ADGRL3: variants seen among roughly 807,000 people sequenced by gnomAD.
ADGRL3 encodes the protein calcium-independent alpha-latrotoxin receptor 3.
Under a neutral mutation model 153.5 loss-of-function variants are expected in ADGRL3, and 62 were observed. The observed-to-expected ratio is 0.40, with a 90% CI of 0.33 to 0.50. ADGRL3 has a LOEUF of 0.50. Among genes scored for constraint, ADGRL3 ranks in the 20% least tolerant of loss-of-function variants. ADGRL3 has a pLI of 0.47. For missense variants in ADGRL3, 1,641 were observed against 1,859.4 expected, an observed-to-expected ratio of 0.88 and a Z score of 2.16; for synonymous variants, 710 against 672.5, an observed-to-expected ratio of 1.06 and a Z score of -0.86.
chr4:61,804,721 T>A (rs540384773), intron 8 of ADGRL3, among the ~76,000 whole-genome samples: 1 of 152,154 alleles, frequency 6.6e-6, no homozygotes, highest in Non-Finnish European at 1.5e-5. Context: ...AGAATGCCTA[T>A]TGGCCATTAT....
chr4:61,823,844 G>A (rs2097776809), intron 9 of ADGRL3, among the ~76,000 whole-genome samples: 1 of 152,080 alleles, frequency 6.6e-6, no homozygotes, highest in South Asian at 2.1e-4. Context: ...GGTGGTTCAC[G>A]AGGTCAGGAG....
chr4:61,468,037 A>T (rs2097905750), intron 2 of ADGRL3, among the ~76,000 whole-genome samples: 1 of 152,152 alleles, frequency 6.6e-6, no homozygotes. Context: ...TGTAGACTTC[A>T]TTGTTGTAAA....
chr4:61,328,545 C>G (rs1041103888), intron 1 of ADGRL3, among the ~76,000 whole-genome samples: 23 of 152,120 alleles, frequency 1.5e-4, no homozygotes, highest in Non-Finnish European at 2.8e-4. Flanking sequence ...CAAAGAAACT[C>G]CTATCTATTA....
chr4:61,321,392 G>T (rs1363943378), intron 1 of ADGRL3, among the ~76,000 whole-genome samples: 1 of 152,032 alleles, frequency 6.6e-6, no homozygotes, highest in Admixed American at 6.6e-5. Flanking sequence ...TCTGTAAGTT[G>T]AACTAACTAT....
At chr4:61,569,079 T>C (rs201364258) in intron 4 of ADGRL3, among the ~76,000 whole-genome samples, 1 of 152,080 alleles carries the variant, frequency 6.6e-6, no homozygotes, top group Non-Finnish European at 1.5e-5. Context: ...GTGGCAGGGG[T>C]GGGAGTGGGG....
At chr4:61,576,018 T>A (rs1560869487) in intron 4 of ADGRL3, among the ~76,000 whole-genome samples, 1 of 152,008 alleles carries the variant, frequency 6.6e-6, no homozygotes, top group Non-Finnish European at 1.5e-5. Context: ...TTCCAACATA[T>A]AATCCTTGGT....
chr4:62,050,571 C>T (rs1733551896), intron 25 of ADGRL3, among the ~76,000 whole-genome samples: 1 of 151,972 alleles, frequency 6.6e-6, no homozygotes, highest in South Asian at 2.1e-4. Flanking sequence ...GGCTTCTAAA[C>T]ATATTTTGCT....
intron 9 of ADGRL3, among the ~76,000 whole-genome samples, chr4:61,850,314 A>T (rs949458383): frequency 2.0e-5 from 3 of 152,164 alleles, no homozygotes; most frequent in Non-Finnish European, 4.4e-5. Context: ...GTGCAAAACA[A>T]TTGCAGTTTT....
chr4:61,489,124 C>T (rs1420246703), intron 2 of ADGRL3, among the ~76,000 whole-genome samples: 1 of 151,898 alleles, frequency 6.6e-6, no homozygotes, highest in Non-Finnish European at 1.5e-5. Context: ...ATATATATTA[C>T]CTTTATTTAA....
intron 9 of ADGRL3, among the ~76,000 whole-genome samples, chr4:61,885,692 G>A (rs2098534552): frequency 6.6e-6 from 1 of 152,188 alleles, no homozygotes; most frequent in Non-Finnish European, 1.5e-5. Flanking sequence ...ATGTGTTAAA[G>A]TTTCAACAGC....
chr4:61,861,749 C>A (rs1053602454), intron 9 of ADGRL3, among the ~76,000 whole-genome samples: 1 of 151,974 alleles, frequency 6.6e-6, no homozygotes, highest in African/African-American at 2.4e-5. Flanking sequence ...CGGACACAGC[C>A]AAGAAGATTT....
intron 8 of ADGRL3, among the ~76,000 whole-genome samples, chr4:61,757,360 T>A (rs1453188708): frequency 6.6e-6 from 1 of 152,204 alleles, no homozygotes; most frequent in Non-Finnish European, 1.5e-5. Context: ...AGGGTGTATG[T>A]GTTGAGGAAT....
chr4:61,662,150 A>G (rs765705525), intron 5 of ADGRL3, among the ~76,000 whole-genome samples: 2 of 152,180 alleles, frequency 1.3e-5, no homozygotes, highest in Non-Finnish European at 2.9e-5. Flanking sequence ...CTGAGGAGGC[A>G]GGACAGGAGC....
At chr4:61,490,255 A>G (rs1043159423) in intron 2 of ADGRL3, among the ~76,000 whole-genome samples, 18 of 151,156 alleles carry the variant, frequency 1.2e-4, no homozygotes, top group Admixed American at 1.1e-3. Context: ...GTTTTTTTCA[A>G]CTCTCTTCTT....
intron 1 of ADGRL3, among the ~76,000 whole-genome samples, chr4:61,374,949 A>C (rs922874524): frequency 6.6e-6 from 1 of 152,052 alleles, no homozygotes; most frequent in African/African-American, 2.4e-5. Flanking sequence ...TTGGCAATCC[A>C]AACTATTTTA....
chr4:61,790,502 A>G (rs2097329006), intron 8 of ADGRL3, among the ~76,000 whole-genome samples: 1 of 152,208 alleles, frequency 6.6e-6, no homozygotes, highest in African/African-American at 2.4e-5. Flanking sequence ...ATTAACAACC[A>G]TAATTAATAA....
At position 61,765,820 on chromosome 4, in the gene ADGRL3, T is replaced by C. The variant is rs1343467606; in HGVS notation, c.1399+32266T>C. ...GGGTGGGGCAAATCCTCGAGCTTGA[T>C]GTGTAGGGAAGGGAGGGGGCCTGAA... is the stretch of plus-strand genomic sequence containing the variant. On this transcript the variant is annotated intron_variant, in intron 8 of 26. Transcript: ENST00000683033. Among the ~76,000 whole-genome samples the C allele has an allele frequency of 2.0e-5, 3 of 151,914 alleles. No homozygotes were observed. In the East Asian group the frequency reaches 5.8e-4, roughly 29 times the overall value.
At chr4:61,921,717 T>A (rs1482294165) in intron 13 of ADGRL3, among the ~76,000 whole-genome samples, 1 of 152,234 alleles carries the variant, frequency 6.6e-6, no homozygotes, top group Non-Finnish European at 1.5e-5. Context: ...GTTAGCTTTT[T>A]AAATATCTTA....
intron 8 of ADGRL3, among the ~76,000 whole-genome samples, chr4:61,761,670 T>C (rs973667248): frequency 3.3e-5 from 5 of 152,154 alleles, no homozygotes; most frequent in Non-Finnish European, 7.3e-5. Context: ...TGGCACACAC[T>C]TGTAGTCCTG....
Sources: gnomAD v4.1 joint callset for allele counts (sites outside exome capture counted in the v4.1 genomes callset) on GRCh38, gnomAD v4.1.1 for gene constraint, MANE v1.5 for transcripts, NCBI Gene and HGNC (gene_info 2026-07-23, HGNC 2026-07-21) for gene names.